KCNQ3: variants seen among roughly 807,000 people sequenced by gnomAD.
KCNQ3 encodes the protein potassium voltage-gated channel subfamily Q member 3.
KCNQ3 carries 30 observed loss-of-function variants against 92.5 expected under a neutral mutation model. The observed-to-expected ratio is 0.32, with a 90% confidence interval of 0.24 to 0.44. KCNQ3 has a LOEUF of 0.44. Among genes scored for constraint, KCNQ3 ranks in the 20% least tolerant of loss-of-function variants. KCNQ3 has a pLI of 1.00. For missense variants in KCNQ3, 913 were observed against 1,140.3 expected (o/e 0.80, Z 2.87); for synonymous variants, 450 against 468.8 (o/e 0.96, Z 0.52).
chr8:132,229,630 C>T (rs1329330883), intron 1 of KCNQ3, among the ~76,000 whole-genome samples: 1 of 151,932 alleles, frequency 6.6e-6, no homozygotes, highest in East Asian at 1.9e-4. Context: ...AAGACTATTA[C>T]CTGGGGCTAG....
At chr8:132,470,157 G>A (rs1228562718) in intron 1 of KCNQ3, among the ~76,000 whole-genome samples, 4 of 152,020 alleles carry the variant, frequency 2.6e-5, no homozygotes, top group Non-Finnish European at 4.4e-5. Context: ...GGGTCTATAC[G>A]CAGAATCCAT....
intron 8 of KCNQ3, among the ~76,000 whole-genome samples, chr8:132,168,717 ATGTGTGTG>A (rs568659056): frequency 0.11 from 11,450 of 107,576 alleles, 550 homozygotes; most frequent in East Asian, 0.14. Context: ...GATAATGAAT[ATGTGTGTG>A]TGTGTGTGTG....
At chr8:132,334,579 C>T (rs779409619) in intron 1 of KCNQ3, among the ~76,000 whole-genome samples, 1 of 152,174 alleles carries the variant, frequency 6.6e-6, no homozygotes, top group Non-Finnish European at 1.5e-5. Flanking sequence ...AAGGACTGTA[C>T]CTAAATGATC....
intron 1 of KCNQ3, among the ~76,000 whole-genome samples, chr8:132,366,952 A>C (rs1819338720): frequency 6.6e-6 from 1 of 152,188 alleles, no homozygotes; most frequent in South Asian, 2.1e-4. Context: ...TCAATATTAT[A>C]ATTGCTTCAT....
In KCNQ3 at chr8:132,418,377, G is replaced by A. The variant is rs1047588363; in HGVS notation, c.386+61770C>T. ...GCTGGCAGGAGAGCAGAAAAAAGCA[G>A]GCGAGGGAGGGAGGAGCTCTGGGTC... On this transcript the variant is annotated intron_variant, in intron 1 of 14. Coordinates refer to ENST00000388996, the MANE Select transcript of KCNQ3 (RefSeq NM_004519.4). Among the ~76,000 whole-genome samples, 4 of 152,158 alleles carry A rather than the reference G, an allele frequency of 2.6e-5. No individual in the cohort carries two copies. The East Asian group carries it at 7.7e-4, about 29-fold the overall frequency.
chr8:132,294,267 C>T (rs1047178524), intron 1 of KCNQ3, among the ~76,000 whole-genome samples: 4 of 152,126 alleles, frequency 2.6e-5, no homozygotes, highest in East Asian at 3.9e-4. Context: ...TCCCAAAGTG[C>T]TGGGATTACA....
chr8:132,288,997 G>T (rs1349743622), intron 1 of KCNQ3, among the ~76,000 whole-genome samples: 2 of 152,234 alleles, frequency 1.3e-5, no homozygotes, highest in African/African-American at 4.8e-5. Context: ...GGAGTTCCAA[G>T]TGGCAGAACT....
At chr8:132,149,466 A>G (rs963125325) in intron 9 of KCNQ3, among the ~76,000 whole-genome samples, 2 of 152,130 alleles carry the variant, frequency 1.3e-5, no homozygotes, top group Non-Finnish European at 2.9e-5. Context: ...TGGTCATGTG[A>G]CAAGAACCCG....
chr8:132,252,686 C>T (rs1297289212), intron 1 of KCNQ3, among the ~76,000 whole-genome samples: 2 of 152,158 alleles, frequency 1.3e-5, no homozygotes, highest in African/African-American at 4.8e-5. Context: ...ATTTACAATC[C>T]TTTAGCTACA....
intron 1 of KCNQ3, among the ~76,000 whole-genome samples, chr8:132,439,833 G>A (rs1394498966): frequency 6.6e-6 from 1 of 152,172 alleles, no homozygotes; most frequent in East Asian, 1.9e-4. Context: ...CTGACCTTCA[G>A]ACATGTAAAA....
At chr8:132,444,160 C>T (rs1821612809) in intron 1 of KCNQ3, among the ~76,000 whole-genome samples, 1 of 152,118 alleles carries the variant, frequency 6.6e-6, no homozygotes, top group South Asian at 2.1e-4. Context: ...CCCTATTTCC[C>T]AAGGGGTGTG....
At position 132,323,100 on chromosome 8, in the gene KCNQ3, GA is replaced by G. The variant is rs552368252; in HGVS notation, c.387-136920del. 2.7e-4 allele frequency among the ~76,000 whole-genome samples: 41 copies of G among 152,274 alleles called. No homozygotes were observed. The South Asian group carries it at 8.3e-3, about 31-fold the overall frequency. On this transcript the variant is annotated intron_variant, in intron 1 of 14. Coordinates refer to ENST00000388996, the MANE Select transcript of KCNQ3 (RefSeq NM_004519.4). ...GCTTCCTCCACCCCAAGGAAGCAGG[GA>G]AGGCAGTTCACATTTTTAGGAGACC...
chr8:132,200,807 T>C (rs1428232935), intron 1 of KCNQ3, among the ~76,000 whole-genome samples: 1 of 152,238 alleles, frequency 6.6e-6, no homozygotes, highest in Non-Finnish European at 1.5e-5. Context: ...TTCTCCTTAG[T>C]GGTTTTTAAC....
chr8:132,271,944 C>A (rs532682847), intron 1 of KCNQ3, among the ~76,000 whole-genome samples: 1 of 152,312 alleles, frequency 6.6e-6, no homozygotes, highest in South Asian at 2.1e-4. Context: ...GATGGTAGTT[C>A]TTCTCATTTA....
intron 1 of KCNQ3, among the ~76,000 whole-genome samples, chr8:132,264,468 G>A (rs1815912192): frequency 6.6e-6 from 1 of 152,244 alleles, no homozygotes; most frequent in South Asian, 2.1e-4. Context: ...AGTGAGTGTA[G>A]TGGGCAGGCA....
chr8:132,386,632 A>G (rs1214731151), intron 1 of KCNQ3, among the ~76,000 whole-genome samples: 1 of 152,162 alleles, frequency 6.6e-6, no homozygotes, highest in Admixed American at 6.5e-5. Context: ...AATTCTTACC[A>G]TATTAAAGAG....
At chr8:132,324,107 CTCTGGATAATTTCAA>C (rs780143638) in intron 1 of KCNQ3, among the ~76,000 whole-genome samples, 4 of 152,146 alleles carry the variant, frequency 2.6e-5, no homozygotes, top group Non-Finnish European at 5.9e-5. Context: ...CTGTAATTCC[CTCTGGATAATTTCAA>C]TCTGAAATAT....
At chr8:132,153,004 G>C (rs1825685124) in intron 9 of KCNQ3, among the ~76,000 whole-genome samples, 1 of 152,176 alleles carries the variant, frequency 6.6e-6, no homozygotes, top group African/African-American at 2.4e-5. Flanking sequence ...ATTGGAGAGA[G>C]AGGAATTATG....
chr8:132,303,900 T>C (rs1817336674), intron 1 of KCNQ3, among the ~76,000 whole-genome samples: 1 of 151,662 alleles, frequency 6.6e-6, no homozygotes, highest in African/African-American at 2.4e-5. Flanking sequence ...TTACATATTA[T>C]ATGTAACATT....
Sources: gnomAD v4.1 joint callset for allele counts (sites outside exome capture counted in the v4.1 genomes callset) on GRCh38, gnomAD v4.1.1 for gene constraint, MANE v1.5 for transcripts, NCBI Gene and HGNC (gene_info 2026-07-23, HGNC 2026-07-21) for gene names.